Variants in TP53BP2 observed in about 807,000 individuals in gnomAD.
TP53BP2 encodes the protein apoptosis-stimulating of p53 protein 2.
TP53BP2 carries 62 observed loss-of-function variants against 126.2 expected under a neutral mutation model. The ratio of observed to expected loss-of-function variants is 0.49; its 90% CI spans 0.40 to 0.61. The LOEUF (loss-of-function observed/expected upper bound fraction) is 0.61, where lower values mean the gene tolerates loss of function less well. Among genes scored for constraint, TP53BP2 ranks in the 20% least tolerant of loss-of-function variants. The probability of loss-of-function intolerance (pLI) is 0.00; values close to 1 mark genes in which losing one functional copy is unlikely to be tolerated. For synonymous variants in TP53BP2, 485 were observed against 502.9 expected (o/e 0.96, Z 0.48); for missense variants, 1,215 against 1,402.8 (o/e 0.87, Z 2.14).
chr1:223,813,872 C>CA (rs201130751), intron 3 of TP53BP2, among the ~76,000 whole-genome samples: 1 of 152,270 alleles, frequency 6.6e-6, no homozygotes, highest in East Asian at 1.9e-4. Flanking sequence ...AACTTACTCC[C>CA]ACAAAATGCA....
chr1:223,789,360 A>G (rs1002105782), intron 15 of TP53BP2, among the ~76,000 whole-genome samples, 186 bp from the exon 16 acceptor site: 1 of 152,238 alleles, frequency 6.6e-6, no homozygotes, highest in Non-Finnish European at 1.5e-5. Flanking sequence ...TACAGCCACA[A>G]ATGAAAATTT....
At chr1:223,837,051 A>G (rs1164719078) in intron 1 of TP53BP2, among the ~76,000 whole-genome samples, 1 of 151,340 alleles carries the variant, frequency 6.6e-6, no homozygotes, top group African/African-American at 2.4e-5. Flanking sequence ...TGCCACAAAG[A>G]GACCGTTCTA....
chr1:223,820,930 T>C, intron 2 of TP53BP2: 1 of 397,260 alleles, frequency 2.5e-6, no homozygotes, highest in South Asian at 3.2e-5. Context: ...TCTAATTAAG[T>C]AAAGCTTACA....
intron 1 of TP53BP2, among the ~76,000 whole-genome samples, chr1:223,827,139 G>A (rs1166448040): frequency 4.6e-5 from 7 of 152,162 alleles, no homozygotes; most frequent in Admixed American, 4.6e-4. Context: ...GTTTGACTGA[G>A]ATGAGAAAGC....
At chr1:223,816,991 C>T (rs553515307) in intron 2 of TP53BP2, among the ~76,000 whole-genome samples, 1 of 151,160 alleles carries the variant, frequency 6.6e-6, no homozygotes, top group Non-Finnish European at 1.5e-5. Context: ...AAAACCCCAT[C>T]TTTACAAAAA....
chr1:223,802,911 G>C lies in TP53BP2; in HGVS notation c.832-16C>G. 7 of 1,612,486 alleles carry C rather than the reference G, an allele frequency of 4.3e-6. No individual in the cohort carries two copies. Among genetic ancestry groups the C allele is most frequent in the Non-Finnish European group, 5.9e-6 (7 of 1,179,590 alleles). ...TGTTTCTTAGCTGAATAAAAGAGAG[G>C]GGAAAAAAGGTAGCCAAGGAGTAGG... is the stretch of plus-strand genomic sequence containing the variant. On this transcript the variant is annotated splice_polypyrimidine_tract_variant and intron_variant, in intron 7 of 17. Coordinates refer to ENST00000343537, the MANE Select transcript of TP53BP2 (RefSeq NM_001031685.3).
In TP53BP2 at chr1:223,814,361, A is replaced by T; in HGVS notation, c.176-8T>A. The T allele has an allele frequency of 5.1e-6, 8 of 1,578,146 alleles. No homozygotes were observed. The highest frequency in any genetic ancestry group is 7.0e-6 in the Non-Finnish European group (8 of 1,147,796). ...TATCCGCAACTGGACGTTCTAAAGC[A>T]AATGAGTAGAAACCACATTATTTTC... On this transcript the variant is annotated splice_region_variant and splice_polypyrimidine_tract_variant and intron_variant, in intron 2 of 17. Transcript: ENST00000343537.
chr1:223,807,040 T>C (rs1158644776), intron 4 of TP53BP2, 93 bp from the exon 5 acceptor site: 6 of 855,956 alleles, frequency 7.0e-6, no homozygotes, highest in Non-Finnish European at 1.1e-5. Flanking sequence ...AAGCTTCATA[T>C]GAACCAACTA....
At chr1:223,844,136 G>A (rs1414355715) in intron 1 of TP53BP2, among the ~76,000 whole-genome samples, 1 of 152,126 alleles carries the variant, frequency 6.6e-6, no homozygotes, top group Non-Finnish European at 1.5e-5. Context: ...GTGTTAGTCT[G>A]ACTTCAAAGC....
rs754465572 is a variant in TP53BP2 at position 223,845,644 on chromosome 1, G to A, written c.27+10C>T. 19 of 1,552,454 alleles carry A rather than the reference G, an allele frequency of 1.2e-5. 1 individual carries two copies. The Middle Eastern group carries it at 8.5e-4, about 69-fold the overall frequency. ...TCCGGGCCCGACGCCCTGGCCGCTC[G>A]CCCACTTACCGGCATCATCTTGGAC... On this transcript the variant is annotated intron_variant, in intron 1 of 17. Transcript: ENST00000343537.
At chr1:223,798,136 A>T in intron 12 of TP53BP2, 79 bp downstream of exon 12, 3 of 1,368,170 alleles carry the variant, frequency 2.2e-6, no homozygotes, top group South Asian at 2.7e-5. Flanking sequence ...GGGATTAGTT[A>T]TTTTGCTGTC....
chr1:223,784,464 T>TG (rs35708379), intron 16 of TP53BP2, 150 bp from the exon 17 acceptor site: 1 of 702,372 alleles, frequency 1.4e-6, no homozygotes, highest in Non-Finnish European at 2.4e-6. Flanking sequence ...TGTCCTGAGG[T>TG]GGGGGGTAGC....
At chr1:223,840,753 T>C (rs1664075814) in intron 1 of TP53BP2, among the ~76,000 whole-genome samples, 1 of 152,158 alleles carries the variant, frequency 6.6e-6, no homozygotes, top group Non-Finnish European at 1.5e-5. Flanking sequence ...CTAGAAGCAG[T>C]GTATGCGAAT....
intron 11 of TP53BP2, among the ~76,000 whole-genome samples, chr1:223,799,037 G>A (rs1017009861): frequency 1.3e-5 from 2 of 152,208 alleles, no homozygotes; most frequent in Non-Finnish European, 2.9e-5. Context: ...GCACCACTGC[G>A]TTCCAGCCTG....
At chr1:223,810,115 T>G (rs1195512063) in intron 4 of TP53BP2, among the ~76,000 whole-genome samples, 1 of 152,172 alleles carries the variant, frequency 6.6e-6, no homozygotes, top group Non-Finnish European at 1.5e-5. Flanking sequence ...CGTGAGCCAC[T>G]GCACCCGGCC....
intron 1 of TP53BP2, among the ~76,000 whole-genome samples, chr1:223,826,852 GCA>G (rs1663513699): frequency 6.6e-6 from 1 of 152,164 alleles, no homozygotes; most frequent in Admixed American, 6.5e-5. Context: ...TACGATGGTA[GCA>G]CAGACTGCAA....
intron 1 of TP53BP2, chr1:223,834,745 G>T: frequency 1.2e-6 from 1 of 841,906 alleles, no homozygotes; most frequent in Non-Finnish European, 1.4e-6. Flanking sequence ...ACTCTGTCCT[G>T]TAGTGTCAAT....
chr1:223,812,899 T>C (rs1278661578), intron 3 of TP53BP2, among the ~76,000 whole-genome samples: 1 of 152,150 alleles, frequency 6.6e-6, no homozygotes, highest in Admixed American at 6.5e-5. Context: ...AGTTTCGTCA[T>C]GTTGGCCAGG....
intron 3 of TP53BP2, 22 bp downstream of exon 3, chr1:223,814,218 C>G: frequency 6.5e-7 from 1 of 1,548,556 alleles, no homozygotes; most frequent in Non-Finnish European, 8.9e-7. Context: ...ATATCTGTCA[C>G]GATTCACAGA....
Sources: allele counts gnomAD v4.1 joint callset (sites outside exome capture counted in the v4.1 genomes callset), GRCh38; gene constraint gnomAD v4.1.1; transcripts MANE v1.5; gene names NCBI Gene and HGNC (gene_info 2026-07-23, HGNC 2026-07-21).